RNF180: variants seen among roughly 807,000 people sequenced by gnomAD.
The protein encoded by RNF180 is ring finger protein 180, also known as E3 ubiquitin-protein ligase RNF180.
In RNF180, 38 loss-of-function variants were observed where a neutral mutation model predicts 59.2. The ratio of observed to expected loss-of-function variants is 0.64; its 90% CI spans 0.50 to 0.84. The LOEUF (loss-of-function observed/expected upper bound fraction) is 0.84, where lower values mean the gene tolerates loss of function less well. Ranked by LOEUF, RNF180 falls within the 40% of genes least tolerant of loss-of-function variation. The pLI is 0.00. For missense variants in RNF180, 705 were observed against 700.9 expected (o/e 1.01, Z -0.07); for synonymous variants, 262 against 240.3 (o/e 1.09, Z -0.84).
chr5:64,258,805 G>A (rs796708340), intron 5 of RNF180, among the ~76,000 whole-genome samples: 3 of 152,284 alleles, frequency 2.0e-5, no homozygotes, highest in African/African-American at 7.2e-5. Context: ...TTTAATGGAA[G>A]GAGAGTGGGT....
intron 7 of RNF180, among the ~76,000 whole-genome samples, chr5:64,335,814 T>C (rs1745101958): frequency 6.6e-6 from 1 of 152,190 alleles, no homozygotes; most frequent in Non-Finnish European, 1.5e-5. Flanking sequence ...TATGTTCTAC[T>C]TGGGAAATGG....
At chr5:64,306,898 G>A (rs987045724) in intron 5 of RNF180, among the ~76,000 whole-genome samples, 2 of 150,744 alleles carry the variant, frequency 1.3e-5, no homozygotes, top group African/African-American at 2.4e-5. Context: ...TGGGGGCAGC[G>A]CACCAGCATG....
intron 1 of RNF180, among the ~76,000 whole-genome samples, chr5:64,174,794 A>G (rs1011080386): frequency 2.0e-5 from 3 of 152,106 alleles, no homozygotes; most frequent in African/African-American, 7.2e-5. Flanking sequence ...TTTTTAGTTA[A>G]ATATAAATAT....
intron 5 of RNF180, among the ~76,000 whole-genome samples, chr5:64,324,858 G>T (rs1278175518): frequency 2.0e-5 from 3 of 152,094 alleles, no homozygotes; most frequent in East Asian, 1.9e-4. Context: ...TAGGAATGGG[G>T]TAGATAGAGA....
chr5:64,298,126 C>T (rs1742979568), intron 5 of RNF180, among the ~76,000 whole-genome samples: 1 of 152,006 alleles, frequency 6.6e-6, no homozygotes, highest in Non-Finnish European at 1.5e-5. Flanking sequence ...ATTTGGTTTT[C>T]TACTCCTGCA....
Position 64,305,831 on chromosome 5 carries a change from A to G in RNF180, c.1228-19355A>G, listed in dbSNP as rs183844667. Among the ~76,000 whole-genome samples the G allele has an allele frequency of 2.6e-5, 4 of 151,486 alleles. No homozygotes were observed. The South Asian group carries it at 8.3e-4, about 31-fold the overall frequency. ...TCTTAACTAAGGATCTAGTTAAGAG[A>G]TCTAGAATGATGGAGCATCCACTAT... On this transcript the variant is annotated intron_variant, in intron 5 of 7. Transcript: ENST00000389100.
At chr5:64,356,252 AC>A (rs1447411465) in intron 7 of RNF180, among the ~76,000 whole-genome samples, 1 of 151,436 alleles carries the variant, frequency 6.6e-6, no homozygotes, top group Admixed American at 6.7e-5. Context: ...ACAGAGTGAG[AC>A]CATCTCAAAA....
chr5:64,186,185 G>C (rs1043002954), intron 1 of RNF180, among the ~76,000 whole-genome samples: 8 of 152,052 alleles, frequency 5.3e-5, no homozygotes, highest in Middle Eastern at 3.2e-3. Context: ...AAAGGATTTT[G>C]AAGCCAAGTC....
chr5:64,261,760 G>A (rs771681279), intron 5 of RNF180, among the ~76,000 whole-genome samples: 23 of 152,102 alleles, frequency 1.5e-4, no homozygotes, highest in Non-Finnish European at 2.9e-4. Flanking sequence ...CTGCTCAAGT[G>A]AGAACAACCA....
At chr5:64,320,664 T>C (rs1055245205) in intron 5 of RNF180, among the ~76,000 whole-genome samples, 1 of 152,148 alleles carries the variant, frequency 6.6e-6, no homozygotes, top group Non-Finnish European at 1.5e-5. Context: ...GTCAGACTTT[T>C]GAGGAATATC....
intron 7 of RNF180, among the ~76,000 whole-genome samples, chr5:64,350,082 T>C (rs1347061778): frequency 6.6e-6 from 1 of 152,134 alleles, no homozygotes; most frequent in Admixed American, 6.5e-5. Context: ...AACCTGTTGT[T>C]TCCTGACTTT....
At chr5:64,245,817 C>A (rs1304669601) in intron 5 of RNF180, among the ~76,000 whole-genome samples, 4 of 152,150 alleles carry the variant, frequency 2.6e-5, no homozygotes, top group African/African-American at 9.7e-5. Flanking sequence ...AATATACATT[C>A]TTCTAAACAC....
chr5:64,291,666 A>G (rs539635452), intron 5 of RNF180, among the ~76,000 whole-genome samples: 1 of 151,504 alleles, frequency 6.6e-6, no homozygotes, highest in Admixed American at 6.6e-5. Flanking sequence ...TGACCTCATG[A>G]TCCACCCGCC....
chr5:64,327,652 C>A (rs572469686), intron 6 of RNF180, among the ~76,000 whole-genome samples: 27 of 152,190 alleles, frequency 1.8e-4, no homozygotes, highest in African/African-American at 6.5e-4. Context: ...GACATAACTT[C>A]AAGTTTTAAA....
At chr5:64,360,672 A>G (rs950217270) in intron 7 of RNF180, among the ~76,000 whole-genome samples, 3 of 151,762 alleles carry the variant, frequency 2.0e-5, no homozygotes, top group Non-Finnish European at 2.9e-5. Context: ...ACCAATGTCT[A>G]GAACTGTTAA....
At chr5:64,366,795 A>G (rs184455520) in intron 7 of RNF180, among the ~76,000 whole-genome samples, 1 of 151,744 alleles carries the variant, frequency 6.6e-6, no homozygotes, top group Admixed American at 6.6e-5. Flanking sequence ...GTGAAAACGA[A>G]AGGGATAGGA....
intron 5 of RNF180, among the ~76,000 whole-genome samples, chr5:64,263,788 TTA>T (rs1744495737): frequency 6.6e-6 from 1 of 152,172 alleles, no homozygotes; most frequent in Non-Finnish European, 1.5e-5. Context: ...CATCTATTTT[TTA>T]TTTCGTTTTA....
At position 64,200,631 on chromosome 5, in the gene RNF180, A is replaced by G. The variant is rs544303905; in HGVS notation, c.1-177A>G. ...TCATCATAATTAATTGGGATTTTCA[A>G]TCTCAGATGTAATGTATAGAGTGCC... On this transcript the variant is annotated intron_variant, in intron 1 of 7. Transcript: ENST00000389100. Among the ~76,000 whole-genome samples, 11 of 152,328 alleles carry G rather than the reference A, an allele frequency of 7.2e-5. No individual in the cohort carries two copies. In the South Asian group the frequency reaches 2.1e-3, roughly 29 times the overall value.
chr5:64,339,146 CTGAG>C (rs745508331), intron 7 of RNF180, among the ~76,000 whole-genome samples: 16 of 151,704 alleles, frequency 1.1e-4, no homozygotes, highest in Non-Finnish European at 1.8e-4. Flanking sequence ...TGTGATGTTG[CTGAG>C]TATTTGTCAA....
Sources: gnomAD v4.1 joint callset for allele counts (sites outside exome capture counted in the v4.1 genomes callset) on GRCh38, gnomAD v4.1.1 for gene constraint, MANE v1.5 for transcripts, NCBI Gene and HGNC (gene_info 2026-07-23, HGNC 2026-07-21) for gene names.